Variants in RBFOX1 observed in about 807,000 individuals in gnomAD.
The protein encoded by RBFOX1 is RNA binding fox-1 homolog 1.
RBFOX1 carries 8 observed loss-of-function variants against 57.7 expected under a neutral mutation model. The ratio of observed to expected loss-of-function variants is 0.14; its 90% CI spans 0.08 to 0.25. The LOEUF is 0.25. Ranked by LOEUF, RBFOX1 falls within the 10% of genes least tolerant of loss-of-function variation. The pLI is 1.00. For synonymous variants in RBFOX1, 326 were observed against 222.4 expected, an observed-to-expected ratio of 1.47 and a Z score of -4.15; for missense variants, 611 against 548.5, an observed-to-expected ratio of 1.11 and a Z score of -1.14.
intron 3 of RBFOX1, among the ~76,000 whole-genome samples, chr16:6,870,692 TTTAA>T (rs2060712334): frequency 6.6e-6 from 1 of 152,130 alleles, no homozygotes; most frequent in South Asian, 2.1e-4. Flanking sequence ...TACAGCACAG[TTTAA>T]TTATTTGGTT....
intron 3 of RBFOX1, among the ~76,000 whole-genome samples, chr16:6,738,333 C>A (rs1416956254): frequency 6.6e-6 from 1 of 152,012 alleles, no homozygotes; most frequent in Non-Finnish European, 1.5e-5. Context: ...GCCTGGAGTA[C>A]TCCCTGTATT....
intron 11 of RBFOX1, among the ~76,000 whole-genome samples, chr16:7,640,639 G>A (rs1466059244): frequency 6.6e-6 from 1 of 152,196 alleles, no homozygotes; most frequent in African/African-American, 2.4e-5. Flanking sequence ...AGGCAGTGAG[G>A]CAATTATTCT....
intron 2 of RBFOX1, among the ~76,000 whole-genome samples, chr16:6,562,024 G>A (rs1192544542): frequency 6.6e-6 from 1 of 151,894 alleles, no homozygotes; most frequent in Non-Finnish European, 1.5e-5. Context: ...CCATGTTGGT[G>A]CTTTAAGGCA....
intron 2 of RBFOX1, among the ~76,000 whole-genome samples, chr16:5,553,967 A>C (rs1310931879): frequency 8.8e-6 from 1 of 113,970 alleles, no homozygotes. Context: ...TATAACACGT[A>C]TTCTTTTTTT....
rs564928204 is a variant in RBFOX1, at chr16:5,509,382, C to T, written c.258+42128C>T. Among the ~76,000 whole-genome samples the T allele has an allele frequency of 2.6e-5, 4 of 152,286 alleles. No homozygotes were observed. The East Asian group carries it at 5.8e-4, about 22-fold the overall frequency. ...GAAGCGGGTGATCTCCCTCCACCAC[C>T]GACATCTCTTTCACCCATGAACTGT... On this transcript the variant is annotated intron_variant, in intron 2 of 2. Transcript: ENST00000585867.
intron 3 of RBFOX1, among the ~76,000 whole-genome samples, chr16:7,021,514 T>G (rs1292227601): frequency 6.9e-6 from 1 of 145,872 alleles, no homozygotes; most frequent in African/African-American, 2.5e-5. Context: ...AAATATTATA[T>G]TTTATAAAAT....
At chr16:6,273,893 G>C (rs1278929372) in intron 1 of RBFOX1, among the ~76,000 whole-genome samples, 1 of 152,032 alleles carries the variant, frequency 6.6e-6, no homozygotes, top group Non-Finnish European at 1.5e-5. Context: ...AGGACATGAA[G>C]AGACATTTTA....
At chr16:7,340,271 T>A (rs1428259939) in intron 4 of RBFOX1, among the ~76,000 whole-genome samples, 1 of 152,240 alleles carries the variant, frequency 6.6e-6, no homozygotes. Flanking sequence ...AAACCTGTGC[T>A]TTCTCCCCCA....
At chr16:7,015,902 T>G (rs1166495904) in intron 3 of RBFOX1, among the ~76,000 whole-genome samples, 2 of 152,154 alleles carry the variant, frequency 1.3e-5, no homozygotes, top group Admixed American at 6.6e-5. Context: ...GCAACGTGTT[T>G]CAGGGAAATC....
chr16:5,657,676 T>TC (rs2049487579), intron 3 of RBFOX1, among the ~76,000 whole-genome samples: 2 of 64,810 alleles, frequency 3.1e-5, no homozygotes, highest in Non-Finnish European at 6.2e-5. Flanking sequence ...CTTTCTTTTC[T>TC]TTTCTTTCTT....
intron 4 of RBFOX1, among the ~76,000 whole-genome samples, chr16:5,987,977 C>A (rs1484483151): frequency 6.6e-6 from 1 of 152,104 alleles, no homozygotes; most frequent in Non-Finnish European, 1.5e-5. Flanking sequence ...TCCTGAGGCC[C>A]CACAGCCAGA....
At chr16:6,560,128 C>T (rs1425349273) in intron 2 of RBFOX1, among the ~76,000 whole-genome samples, 1 of 145,366 alleles carries the variant, frequency 6.9e-6, no homozygotes, top group Non-Finnish European at 1.5e-5. Flanking sequence ...GGTAATCACT[C>T]TGTTATTCTG....
At chr16:5,818,396 A>G (rs2055721570) in intron 3 of RBFOX1, among the ~76,000 whole-genome samples, 1 of 152,238 alleles carries the variant, frequency 6.6e-6, no homozygotes, top group Middle Eastern at 3.4e-3. Context: ...ATTGTGTCCT[A>G]TTTCCTGCTC....
At chr16:7,502,383 A>C (rs1418297020) in intron 4 of RBFOX1, among the ~76,000 whole-genome samples, 2 of 152,206 alleles carry the variant, frequency 1.3e-5, no homozygotes, top group African/African-American at 4.8e-5. Flanking sequence ...GAATAATTAA[A>C]AATACAGGCA....
intron 5 of RBFOX1, among the ~76,000 whole-genome samples, chr16:7,552,767 C>G (rs139984115): frequency 2.0e-5 from 3 of 152,280 alleles, no homozygotes; most frequent in African/African-American, 4.8e-5. Flanking sequence ...ACTGCAACCT[C>G]TGCCTCCCAG....
chr16:6,130,551 G>A (rs931462085), intron 1 of RBFOX1, among the ~76,000 whole-genome samples: 1 of 152,058 alleles, frequency 6.6e-6, no homozygotes, highest in African/African-American at 2.4e-5. Context: ...AAGTGCAAGT[G>A]GACTAAACAC....
intron 4 of RBFOX1, among the ~76,000 whole-genome samples, chr16:7,443,135 A>G (rs1318963368): frequency 1.3e-5 from 2 of 152,186 alleles, no homozygotes; most frequent in Non-Finnish European, 2.9e-5. Context: ...TCCTATGGAG[A>G]TGTTTCTAAT....
intron 1 of RBFOX1, among the ~76,000 whole-genome samples, chr16:5,302,893 T>C (rs2063839662): frequency 6.6e-6 from 1 of 152,266 alleles, no homozygotes; most frequent in Non-Finnish European, 1.5e-5. Flanking sequence ...TGTCAATCTG[T>C]GCTTTGCACA....
chr16:5,398,659 C>T (rs1286695814), intron 1 of RBFOX1, among the ~76,000 whole-genome samples: 1 of 151,768 alleles, frequency 6.6e-6, no homozygotes, highest in Non-Finnish European at 1.5e-5. Flanking sequence ...GAAGGGAGTC[C>T]AGTGGGAGGA....
Sources: gnomAD v4.1 joint callset for allele counts (sites outside exome capture counted in the v4.1 genomes callset) on GRCh38, gnomAD v4.1.1 for gene constraint, MANE v1.5 for transcripts, NCBI Gene and HGNC (gene_info 2026-07-23, HGNC 2026-07-21) for gene names.